Variants in WSCD1 observed in about 807,000 individuals in gnomAD.
WSCD1 encodes sialate:O-sulfotransferase 1.
In WSCD1, 41 loss-of-function variants were observed where a neutral mutation model predicts 60.4. The ratio of observed to expected loss-of-function variants is 0.68; its 90% CI spans 0.53 to 0.88. The LOEUF (loss-of-function observed/expected upper bound fraction) is 0.88, where lower values mean the gene tolerates loss of function less well. WSCD1 is among the 40% of genes least tolerant of loss of function. WSCD1 has a pLI of 0.00. For synonymous variants in WSCD1, 361 were observed against 332.5 expected (o/e 1.09, Z -0.93); for missense variants, 784 against 796.2 (o/e 0.98, Z 0.18).
chr17:6,072,347 C>G (rs1282477816), intron 1 of WSCD1, among the ~76,000 whole-genome samples: 1 of 152,200 alleles, frequency 6.6e-6, no homozygotes, highest in Admixed American at 6.5e-5. Context: ...GGGAATGAGT[C>G]ACAGAGCTGG....
intron 4 of WSCD1, 24 bp from the exon 5 acceptor site, chr17:6,095,078 A>G: frequency 1.3e-6 from 2 of 1,599,854 alleles, no homozygotes; most frequent in Non-Finnish European, 1.7e-6. Flanking sequence ...ATCTCTTACC[A>G]GAAACCCCTC....
chr17:6,087,267 C>G (rs1909717075), intron 2 of WSCD1, among the ~76,000 whole-genome samples: 2 of 152,126 alleles, frequency 1.3e-5, no homozygotes, highest in South Asian at 4.1e-4. Context: ...GTGACAGACT[C>G]TCACTGGCGC....
chr17:6,075,901 A>G lies in WSCD1; in HGVS notation c.-288-4470A>G, dbSNP rs1469516465. On this transcript the variant is annotated intron_variant, in intron 1 of 8. Transcript: ENST00000317744. This position sits in a 1 kb window ranked among gnomAD's most constrained non-coding sequence, Gnocchi z 4.1. Reference sequence around the variant, plus strand: ...GGGGAGGGGCCCCAGGCTGCCTCCCAGTCCCAGTGGGCTGGGGCGGGAACA... The same window carrying G: ...GGGGAGGGGCCCCAGGCTGCCTCCCGGTCCCAGTGGGCTGGGGCGGGAACA... Among the ~76,000 whole-genome samples, 2 of 151,798 alleles carry G rather than the reference A, an allele frequency of 1.3e-5. No individual in the cohort carries two copies. The highest frequency in any genetic ancestry group is 2.9e-5 in the Non-Finnish European group (2 of 68,006).
rs41314099 is a variant in WSCD1, at chr17:6,109,659, C to T, written c.902C>T (p.Thr301Ile). Residue 301 changes from threonine (T) to isoleucine (I), a missense_variant, in exon 6 of 9, where the codon ACC becomes ATC. Physicochemically the swap from Thr to Ile is moderately conservative, Grantham distance 89. Transcript: ENST00000317744. ...RGWECYCAYP[T>I]PRFNLRDAMD... ...TGGGAATGCTACTGTGCTTACCCTACCCCCCGGTTCAACCTGCGGGATGCC... is the reference window on the plus strand; with the variant it reads ...TGGGAATGCTACTGTGCTTACCCTATCCCCCGGTTCAACCTGCGGGATGCC... 29,562 of 1,613,922 alleles carry T rather than the reference C, an allele frequency of 0.018. 333 individuals are homozygous for T. The highest frequency in any genetic ancestry group is 0.023 in the Admixed American group (1,379 of 60,018).
chr17:6,097,887 G>T (rs1482128821), intron 5 of WSCD1, among the ~76,000 whole-genome samples: 1 of 152,046 alleles, frequency 6.6e-6, no homozygotes, highest in Non-Finnish European at 1.5e-5. Flanking sequence ...AGCATTTTAG[G>T]CAGATGCCTC....
At chr17:6,117,098 C>G (rs909666943) in intron 7 of WSCD1, among the ~76,000 whole-genome samples, 1 of 152,224 alleles carries the variant, frequency 6.6e-6, no homozygotes, top group Admixed American at 6.5e-5. Flanking sequence ...AAAATAAAGT[C>G]TAACATAGTG....
At chr17:6,115,177 A>AC (rs1245515254) in intron 7 of WSCD1, among the ~76,000 whole-genome samples, 4 of 152,268 alleles carry the variant, frequency 2.6e-5, no homozygotes, top group East Asian at 3.9e-4. Context: ...CAGCCCGAGG[A>AC]CCCCACTTAG....
At chr17:6,106,665 T>C (rs1295849859) in intron 5 of WSCD1, among the ~76,000 whole-genome samples, 2 of 152,138 alleles carry the variant, frequency 1.3e-5, no homozygotes, top group African/African-American at 2.4e-5. Flanking sequence ...CCTGTCTTGA[T>C]TGAATGGTAC....
intron 4 of WSCD1, among the ~76,000 whole-genome samples, chr17:6,091,287 C>T (rs1389975136): frequency 1.3e-5 from 2 of 152,228 alleles, no homozygotes; most frequent in Non-Finnish European, 2.9e-5. Flanking sequence ...ATTTAGCAAA[C>T]ATTATTGTAA....
At chr17:6,113,713 C>G (rs1047432365) in intron 7 of WSCD1, among the ~76,000 whole-genome samples, 9 of 152,066 alleles carry the variant, frequency 5.9e-5, no homozygotes, top group African/African-American at 1.7e-4. Context: ...AGAAGACATA[C>G]AAATGGTCAA....
chr17:6,080,798 G>T lies in WSCD1; in HGVS notation c.140G>T (p.Arg47Leu). 1 of 1,609,690 alleles carries T rather than the reference G, an allele frequency of 6.2e-7. No homozygotes were observed. The highest frequency in any genetic ancestry group is 8.5e-7 in the Non-Finnish European group (1 of 1,178,624). Reference sequence around the variant, plus strand: ...CGCGTGGCTCTCCCACAGGGCCCCCGGGCACCCGGCCCCCTGCAGACCTTG... The same window carrying T: ...CGCGTGGCTCTCCCACAGGGCCCCCTGGCACCCGGCCCCCTGCAGACCTTG... Reference protein sequence around the residue: ...RVRVALPQGPRAPGPLQTLPV... With the variant: ...RVRVALPQGPLAPGPLQTLPV... Residue 47 changes from arginine (R) to leucine (L), a missense_variant, in exon 2 of 9, where the codon CGG (arginine) becomes CTG (leucine). Physicochemically the swap from Arg to Leu is moderately radical, Grantham distance 102. Coordinates refer to ENST00000317744, the MANE Select transcript of WSCD1 (RefSeq NM_015253.2). This position sits in a 1 kb window ranked among gnomAD's most constrained non-coding sequence, Gnocchi z 6.6.
Position 6,118,353 on chromosome 17 carries a change from C to G in WSCD1, c.1375+165C>G, listed in dbSNP as rs1904433921. 6.6e-6 allele frequency among the ~76,000 whole-genome samples: 1 copy of G among 152,172 alleles called. No homozygotes were observed. The highest frequency in any genetic ancestry group is 1.5e-5 in the Non-Finnish European group (1 of 68,036). On this transcript the variant is annotated intron_variant, in intron 8 of 8. Coordinates refer to ENST00000317744, the MANE Select transcript of WSCD1 (RefSeq NM_015253.2). The surrounding 1 kb of genome is among the most constrained non-coding windows in gnomAD (Gnocchi z 5.8). ...TGCTAGGGACTTAGTGCTGCTGTGC[C>G]TGGGCTTGAGTTCACCTCCTCCCCT...
rs1338719241 is a variant in WSCD1 at position 6,075,182 on chromosome 17, C to T, written c.-289+4530C>T. ...CTGCAAAGAGCAGGCAGCTCCAAGT[C>T]CCAAGAGGTTTGCAGCCCTTGCTGC... On this transcript the variant is annotated intron_variant, in intron 1 of 8. Coordinates refer to ENST00000317744, the MANE Select transcript of WSCD1 (RefSeq NM_015253.2). The surrounding 1 kb of genome is among the most constrained non-coding windows in gnomAD (Gnocchi z 4.1). Among the ~76,000 whole-genome samples the T allele has an allele frequency of 1.3e-5, 2 of 152,142 alleles. No homozygotes were observed. The highest frequency in any genetic ancestry group is 2.9e-5 in the Non-Finnish European group (2 of 68,024).
Position 6,120,528 on chromosome 17 carries a change from G to A in WSCD1, c.1595G>A (p.Gly532Asp), listed in dbSNP as rs1409277100. 6 of 1,613,716 alleles carry A rather than the reference G, an allele frequency of 3.7e-6. No individual in the cohort carries two copies. The highest frequency in any genetic ancestry group is 5.1e-6 in the Non-Finnish European group (6 of 1,180,000). The change falls in exon 9 of 9, where the codon GGC becomes GAC. Residue 532 changes from glycine to aspartate, a missense_variant. Transcript: ENST00000317744. ...AAGGAGGGCAGCTTCCGGCGGCGCG[G>A]CCGGCGCTCCCACGACCCTGAGCCC... ...NNKEGSFRRR[G>D]RRSHDPEPFT...
chr17:6,090,764 G>T (rs1021770314), intron 4 of WSCD1, among the ~76,000 whole-genome samples: 2 of 152,190 alleles, frequency 1.3e-5, no homozygotes, highest in African/African-American at 4.8e-5. Context: ...TGATTAGGGG[G>T]CCTGGGTATG....
intron 5 of WSCD1, among the ~76,000 whole-genome samples, chr17:6,108,065 A>G (rs1460746306): frequency 6.6e-6 from 1 of 152,052 alleles, no homozygotes; most frequent in East Asian, 1.9e-4. Flanking sequence ...GCCTGTACTT[A>G]TAAGAACAGC....
chr17:6,115,166 G>A (rs796833756), intron 7 of WSCD1, among the ~76,000 whole-genome samples: 4 of 152,328 alleles, frequency 2.6e-5, no homozygotes, highest in African/African-American at 9.6e-5. Context: ...CCTGATGAAG[G>A]CAGCCCGAGG....
chr17:6,120,608 G>T lies in WSCD1; in HGVS notation c.1675G>T (p.Ala559Ser). Residue 559 changes from alanine to serine, a missense_variant, in exon 9 of 9, where the codon GCC (alanine) becomes TCC (serine). By Grantham distance (99) the Ala-to-Ser change is moderately conservative (BLOSUM62 1). Coordinates refer to ENST00000317744, the MANE Select transcript of WSCD1 (RefSeq NM_015253.2). ...INGYIRTVDQ[A>S]LRDHNWTGLP... Reference sequence around the variant, plus strand: ...TGGCTACATCCGGACGGTGGACCAAGCCCTGCGTGACCACAACTGGACGGG... The same window carrying T: ...TGGCTACATCCGGACGGTGGACCAATCCCTGCGTGACCACAACTGGACGGG... 6.2e-7 allele frequency: 1 copy of T among 1,613,478 alleles called. No individual in the cohort carries two copies. The highest frequency in any genetic ancestry group is 8.5e-7 in the Non-Finnish European group (1 of 1,179,970).
chr17:6,089,323 T>G (rs1338375933), intron 3 of WSCD1, among the ~76,000 whole-genome samples: 1 of 152,208 alleles, frequency 6.6e-6, no homozygotes, highest in East Asian at 1.9e-4. Context: ...CGCCAGGACG[T>G]GGTCAAATGG....
Sources: allele counts gnomAD v4.1 joint callset (sites outside exome capture counted in the v4.1 genomes callset), GRCh38; gene constraint gnomAD v4.1.1; non-coding constraint Gnocchi (gnomAD v3.1); transcripts MANE v1.5; gene names NCBI Gene and HGNC (gene_info 2026-07-23, HGNC 2026-07-21).